Variants in GSG1L observed in about 807,000 individuals in gnomAD.
GSG1L encodes the protein germ cell-specific gene 1-like protein.
In GSG1L, 24 loss-of-function variants were observed where a neutral mutation model predicts 42.1. The observed-to-expected ratio is 0.57, with a 90% CI of 0.41 to 0.80. The LOEUF is 0.80. Among genes scored for constraint, GSG1L ranks in the 30% least tolerant of loss-of-function variants. GSG1L has a pLI of 0.00. For synonymous variants in GSG1L, 215 were observed against 203.5 expected (o/e 1.06, Z -0.48); for missense variants, 445 against 472.2 (o/e 0.94, Z 0.53).
chr16:27,824,545 C>CAA (rs9302450), intron 5 of GSG1L, among the ~76,000 whole-genome samples: 75,953 of 141,314 alleles, frequency 0.54, 20,961 homozygotes, highest in African/African-American at 0.74. Context: ...AGGGAAAGCA[C>CAA]AAAAAAAAAA....
At chr16:28,031,545 A>G (rs1392110901) in intron 1 of GSG1L, among the ~76,000 whole-genome samples, 1 of 152,170 alleles carries the variant, frequency 6.6e-6, no homozygotes, top group African/African-American at 2.4e-5. Context: ...GCACTCACCT[A>G]TTAACTTTCC....
chr16:27,839,120 A>G (rs923015525), intron 4 of GSG1L, among the ~76,000 whole-genome samples: 1 of 152,240 alleles, frequency 6.6e-6, no homozygotes, highest in African/African-American at 2.4e-5. Context: ...CAGAGAGGAA[A>G]GAGGCTGGTC....
At chr16:27,856,166 C>G (rs974378452) in intron 3 of GSG1L, among the ~76,000 whole-genome samples, 9 of 151,712 alleles carry the variant, frequency 5.9e-5, no homozygotes, top group Non-Finnish European at 7.4e-5. Context: ...CACCCCCCCC[C>G]ATCCCCACAT....
chr16:28,023,727 A>G (rs1358813283), intron 1 of GSG1L, among the ~76,000 whole-genome samples: 1 of 152,222 alleles, frequency 6.6e-6, no homozygotes, highest in African/African-American at 2.4e-5. Flanking sequence ...CAATTTGCCT[A>G]AGATCACATA....
chr16:27,949,162 C>T (rs1285642150), intron 2 of GSG1L, among the ~76,000 whole-genome samples: 2 of 151,892 alleles, frequency 1.3e-5, no homozygotes, highest in East Asian at 3.9e-4. Context: ...AGCAATCCTC[C>T]CACCTTGGCC....
At chr16:27,933,774 T>G (rs964118475) in intron 2 of GSG1L, among the ~76,000 whole-genome samples, 3 of 151,626 alleles carry the variant, frequency 2.0e-5, no homozygotes, top group African/African-American at 7.3e-5. Flanking sequence ...CTTCTCAAAA[T>G]GCAAAACTCA....
At chr16:27,899,999 C>T (rs546951771) in intron 2 of GSG1L, among the ~76,000 whole-genome samples, 10 of 152,284 alleles carry the variant, frequency 6.6e-5, no homozygotes, top group Non-Finnish European at 1.5e-4. Flanking sequence ...TCTGCACCTC[C>T]GTTGCTGAAT....
intron 1 of GSG1L, among the ~76,000 whole-genome samples, chr16:28,053,253 G>A (rs1186136416): frequency 3.9e-5 from 6 of 152,222 alleles, no homozygotes; most frequent in Non-Finnish European, 5.9e-5. Flanking sequence ...CACATGCCAC[G>A]TTTGCTTAGA....
rs868499976 is a variant in GSG1L, at chr16:27,888,468, C to T, written c.398-3830G>A. On this transcript the variant is annotated intron_variant, in intron 2 of 6. Coordinates refer to ENST00000447459, the MANE Select transcript of GSG1L (RefSeq NM_001109763.2). Reference sequence around the variant, plus strand: ...TCTTTCTTTCTTTCTTTCTTTCTCTCTCTCTCTCTCTTTCCTTTCTTTCTT... The same window carrying T: ...TCTTTCTTTCTTTCTTTCTTTCTCTTTCTCTCTCTCTTTCCTTTCTTTCTT... 3.3e-3 allele frequency among the ~76,000 whole-genome samples: 123 copies of T among 37,076 alleles called. 6 individuals carry two copies. The highest frequency in any genetic ancestry group is 0.011 in the South Asian group (10 of 892). 24.3% of individuals were successfully genotyped at this position (37,076 alleles called of 152,430 possible). A position where few individuals can be genotyped will look rare whatever the true frequency, so the allele number is the denominator to read the frequency against.
chr16:27,963,413 T>A (rs1009612337), intron 1 of GSG1L, among the ~76,000 whole-genome samples: 1 of 151,882 alleles, frequency 6.6e-6, no homozygotes, highest in Non-Finnish European at 1.5e-5. Flanking sequence ...ACCCCATCCA[T>A]CCTGGCCCAT....
At chr16:27,845,362 G>C (rs1355422657) in intron 3 of GSG1L, among the ~76,000 whole-genome samples, 1 of 152,202 alleles carries the variant, frequency 6.6e-6, no homozygotes, top group East Asian at 1.9e-4. Flanking sequence ...CTAAGTAGCT[G>C]GGACTACAGG....
intron 3 of GSG1L, among the ~76,000 whole-genome samples, chr16:27,855,208 C>T (rs780985320): frequency 1.3e-5 from 2 of 152,156 alleles, no homozygotes; most frequent in Non-Finnish European, 2.9e-5. Flanking sequence ...CTGCTGAGGA[C>T]TTTCATGCCC....
At chr16:28,008,662 C>T (rs2085673699) in intron 1 of GSG1L, among the ~76,000 whole-genome samples, 1 of 152,350 alleles carries the variant, frequency 6.6e-6, no homozygotes, top group African/African-American at 2.4e-5. Context: ...AAGGACTTCT[C>T]ATCACACTTA....
At chr16:27,818,430 C>T (rs1036667417) in intron 5 of GSG1L, among the ~76,000 whole-genome samples, 3 of 152,110 alleles carry the variant, frequency 2.0e-5, no homozygotes, top group Admixed American at 6.5e-5. Context: ...TGAATCTCCA[C>T]GGTGCCATCT....
At chr16:27,857,766 G>C (rs1247889354) in intron 3 of GSG1L, among the ~76,000 whole-genome samples, 1 of 151,704 alleles carries the variant, frequency 6.6e-6, no homozygotes, top group African/African-American at 2.4e-5. Flanking sequence ...CCACTGTTTT[G>C]TGTCTGCCTC....
At chr16:27,992,696 CG>C (rs1245683460) in intron 1 of GSG1L, among the ~76,000 whole-genome samples, 1 of 152,188 alleles carries the variant, frequency 6.6e-6, no homozygotes, top group East Asian at 1.9e-4. Flanking sequence ...TTGCAGAACA[CG>C]CTTCCTCTTC....
At chr16:28,044,531 T>G (rs1352406126) in intron 1 of GSG1L, among the ~76,000 whole-genome samples, 1 of 151,148 alleles carries the variant, frequency 6.6e-6, no homozygotes, top group Non-Finnish European at 1.5e-5. Flanking sequence ...GGTGAGTAGA[T>G]AAACTACAGC....
chr16:27,839,864 T>G (rs1426909052), intron 4 of GSG1L, among the ~76,000 whole-genome samples: 2 of 152,220 alleles, frequency 1.3e-5, no homozygotes, highest in Non-Finnish European at 2.9e-5. Context: ...CCCGGCTGCA[T>G]GCAGTTCACA....
chr16:28,024,059 CAG>C (rs995504044), intron 1 of GSG1L, among the ~76,000 whole-genome samples: 8 of 152,026 alleles, frequency 5.3e-5, no homozygotes, highest in Middle Eastern at 3.2e-3. Context: ...AAAAGAAAAA[CAG>C]TGGCAGCAAG....
Sources: allele counts gnomAD v4.1 joint callset (sites outside exome capture counted in the v4.1 genomes callset), GRCh38; gene constraint gnomAD v4.1.1; transcripts MANE v1.5; gene names NCBI Gene and HGNC (gene_info 2026-07-23, HGNC 2026-07-21).